JMJD6: variants seen among roughly 807,000 people sequenced by gnomAD.
JMJD6 encodes jumonji domain containing 6, arginine demethylase and lysine hydroxylase.
A neutral mutation model predicts 45.8 loss-of-function variants in JMJD6; 17 were observed. The ratio of observed to expected loss-of-function variants is 0.37; its 90% CI spans 0.25 to 0.56. The LOEUF is 0.56. JMJD6 is among the 20% of genes least tolerant of loss of function. The pLI, the probability that JMJD6 is intolerant of heterozygous loss-of-function variation, is 0.79. For missense variants in JMJD6, 470 were observed against 517.5 expected (o/e 0.91, Z 0.89); for synonymous variants, 221 against 196.3 (o/e 1.13, Z -1.05).
At chr17:76,716,890 T>C (rs548076322), downstream of JMJD6, among the ~76,000 whole-genome samples, 197 of 152,306 alleles carry the variant, frequency 1.3e-3, 4 homozygotes, top group Non-Finnish European at 4.3e-4. Context: ...CAAGTGCAGA[T>C]ATAAATCTAT....
intron 5 of JMJD6, among the ~76,000 whole-genome samples, chr17:76,719,665 T>C (rs2076798842): frequency 6.6e-6 from 1 of 152,244 alleles, no homozygotes; most frequent in Non-Finnish European, 1.5e-5. Flanking sequence ...TTAAGGTTAC[T>C]GGATTTGCTG....
chr17:76,721,565 T>C (rs1178351700), intron 4 of JMJD6, among the ~76,000 whole-genome samples: 1 of 152,228 alleles, frequency 6.6e-6, no homozygotes, highest in Non-Finnish European at 1.5e-5. Context: ...ACGTCTTGAC[T>C]GAGTGGCTTG....
Position 76,725,546 on chromosome 17 carries a change from A to G in JMJD6, c.439T>C (p.Leu147=). 6.2e-7 allele frequency: 1 copy of G among 1,614,158 alleles called. No individual in the cohort carries two copies. Among genetic ancestry groups the G allele is most frequent in the Non-Finnish European group, 8.5e-7 (1 of 1,180,030 alleles). ...YGEHPKRRKL[L]EDYKVPKFFT... ...AACTTTGGCACCTTGTAGTCTTCCAAAAGTTTCCTTCTTTTAGGGTGTTCA... is the reference window on the plus strand; with the variant it reads ...AACTTTGGCACCTTGTAGTCTTCCAGAAGTTTCCTTCTTTTAGGGTGTTCA... Residue 147 remains leucine (L), a synonymous_variant, in exon 2 of 6, where the codon TTG becomes CTG. Transcript: ENST00000397625.
chr17:76,724,362 T>A (rs926922266), intron 2 of JMJD6, among the ~76,000 whole-genome samples: 4 of 151,682 alleles, frequency 2.6e-5, no homozygotes, highest in Non-Finnish European at 5.9e-5. Context: ...CCTCAAGTGA[T>A]CACCTGCCTC....
chr17:76,720,349 C>A lies in JMJD6; in HGVS notation c.1080+11G>T. On this transcript the variant is annotated intron_variant, in intron 5 of 5. Coordinates refer to ENST00000397625, the MANE Select transcript of JMJD6 (RefSeq NM_015167.3). ...GAGGCTCCAGGAGTCAGCCAGAGAGCAAGGCCTCACCTCTGAGTCGGAGTC... is the reference window on the plus strand; with the variant it reads ...GAGGCTCCAGGAGTCAGCCAGAGAGAAAGGCCTCACCTCTGAGTCGGAGTC... 1 of 1,613,768 alleles carries A rather than the reference C, an allele frequency of 6.2e-7. No homozygotes were observed. The highest frequency in any genetic ancestry group is 8.5e-7 in the Non-Finnish European group (1 of 1,179,824).
downstream of JMJD6, among the ~76,000 whole-genome samples, chr17:76,717,704 T>A (rs552149485): frequency 1.1e-4 from 16 of 151,378 alleles, no homozygotes; most frequent in African/African-American, 3.6e-4. Flanking sequence ...TAAAAAAAAT[T>A]AGCTGGCCGG....
chr17:76,719,843 C>T (rs911584018), intron 5 of JMJD6, among the ~76,000 whole-genome samples: 55 of 152,100 alleles, frequency 3.6e-4, no homozygotes, highest in African/African-American at 1.3e-3. Context: ...AATTCTTAGC[C>T]GGGCGCTGTG....
intron 1 of JMJD6, among the ~76,000 whole-genome samples, 190 bp from the exon 2 acceptor site, chr17:76,726,045 A>G (rs770097086): frequency 8.5e-5 from 13 of 152,160 alleles, no homozygotes; most frequent in Non-Finnish European, 1.8e-4. Flanking sequence ...ATGAGCCTTG[A>G]CAGCCAGGTC....
chr17:76,726,408 G>A lies in JMJD6; in HGVS notation c.68C>T (p.Ser23Leu). 1.2e-6 allele frequency: 2 copies of A among 1,605,396 alleles called. No individual in the cohort carries two copies. The highest frequency in any genetic ancestry group is 1.7e-6 in the Non-Finnish European group (2 of 1,176,746). ...GTAGTTGTGCCGGGTCCAATCCAGC[G>A]AGTCCTTGAGCTCCGGCCGCGCACT... ...KRSARPELKD[S>L]LDWTRHNYYE... Residue 23 changes from serine (S) to leucine (L), a missense_variant, in exon 1 of 6, where the codon TCG (serine) becomes TTG (leucine). Coordinates refer to ENST00000397625, the MANE Select transcript of JMJD6 (RefSeq NM_015167.3).
rs758983908 is a variant in JMJD6 at position 76,723,847 on chromosome 17, GT to G, written c.729del (p.Gln244SerfsTer59). ...AATTCAGGTGGCCAGGTTGGAAGCT[GT>G]GTCCGGGGATAAATAACATTAAACC... ...ITWFNVIYPR[T>X]QLPTWPPEFK... On this transcript the variant is annotated frameshift_variant, in exon 3 of 6. Transcript: ENST00000397625. LOFTEE classifies it high-confidence loss of function. 1 of 1,614,186 alleles carries G rather than the reference GT, an allele frequency of 6.2e-7. No homozygotes were observed. Among genetic ancestry groups the G allele is most frequent in the Admixed American group, 1.7e-5 (1 of 60,010 alleles).
intron 5 of JMJD6, among the ~76,000 whole-genome samples, chr17:76,719,219 C>T (rs1008641676): frequency 1.3e-5 from 2 of 152,196 alleles, no homozygotes; most frequent in African/African-American, 2.4e-5. Flanking sequence ...GTAGGTATAG[C>T]ACTGAACATT....
Position 76,726,552 on chromosome 17 carries a change from C to T in JMJD6, c.-77G>A. ...TGACACTAACGCACCCCTCCCCGGC[C>T]TGGGCGGCGGCGACGGCAGTACCCA... On this transcript the variant is annotated 5_prime_UTR_variant, in exon 1 of 6. Coordinates refer to ENST00000397625, the MANE Select transcript of JMJD6 (RefSeq NM_015167.3). 6.7e-7 allele frequency: 1 copy of T among 1,501,516 alleles called. No individual in the cohort carries two copies. The highest frequency in any genetic ancestry group is 1.3e-5 in the South Asian group (1 of 76,448). The allele number at this position is 1,501,516 out of a possible 1,614,324, so 93.0% of individuals were successfully genotyped here. A position where few individuals can be genotyped will look rare whatever the true frequency, so the allele number is the denominator to read the frequency against.
At chr17:76,715,439 G>C (rs1283919487), downstream of JMJD6, 1 of 152,230 alleles carries the variant, frequency 6.6e-6, no homozygotes, top group Non-Finnish European at 1.5e-5. Context: ...TAGAGAACCA[G>C]CCTCCTAGAG....
At chr17:76,712,959 A>T (rs551698996) in exon 7 of JMJD6, 13 of 152,360 alleles carry the variant, frequency 8.5e-5, no homozygotes, top group African/African-American at 3.1e-4. Flanking sequence ...CGGACGCAGA[A>T]CTAGGAGACT....
chr17:76,722,003 C>A, intron 3 of JMJD6, 70 bp from the exon 4 acceptor site: 1 of 1,543,386 alleles, frequency 6.5e-7, no homozygotes, highest in Non-Finnish European at 8.8e-7. Context: ...ACACACACAC[C>A]AGAAATTGGG....
chr17:76,716,758 G>A (rs1006629230), downstream of JMJD6: 13 of 1,612,180 alleles, frequency 8.1e-6, no homozygotes, highest in East Asian at 2.2e-4. Context: ...TAATCAGCAC[G>A]TAGACAGCAT....
In JMJD6 at chr17:76,721,808, T is replaced by C; in HGVS notation, c.931A>G (p.Lys311Glu). ...TVRGRPKLSR[K>E]WYRILKQEHP... ...AAAAATGACTCTCACCTATACCATT[T>C]CCTTGATAACTTTGGTCTCCCTCTT... Residue 311 changes from lysine (K) to glutamate (E), a missense_variant, in exon 4 of 6, where the codon AAA (lysine) becomes GAA (glutamate). Physicochemically the swap from Lys to Glu is moderately conservative, Grantham distance 56. Coordinates refer to ENST00000397625, the MANE Select transcript of JMJD6 (RefSeq NM_015167.3). The C allele has an allele frequency of 6.2e-7, 1 of 1,613,968 alleles. No homozygotes were observed.
intron 4 of JMJD6, chr17:76,721,388 G>A: frequency 2.6e-6 from 1 of 383,920 alleles, no homozygotes; most frequent in Non-Finnish European, 5.5e-6. Context: ...AAGTCTCCAG[G>A]GCAGTCACCT....
chr17:76,721,043 C>A (rs1277891866), intron 4 of JMJD6, among the ~76,000 whole-genome samples: 1 of 152,186 alleles, frequency 6.6e-6, no homozygotes, highest in Non-Finnish European at 1.5e-5. Flanking sequence ...AGCAGCCCTC[C>A]CCTTCAGAAA....
Sources: allele counts gnomAD v4.1 joint callset (sites outside exome capture counted in the v4.1 genomes callset), GRCh38; gene constraint gnomAD v4.1.1; transcripts MANE v1.5; gene names NCBI Gene and HGNC (gene_info 2026-07-23, HGNC 2026-07-21).